Variants in SLC71A2 observed in about 807,000 individuals in gnomAD.
SLC71A2 encodes the protein solute carrier family 71 member 2.
the SLC71A2 span, among the ~76,000 whole-genome samples, chr9:94,412,155 A>T: frequency 2.0e-5 from 3 of 152,062 alleles, no homozygotes; most frequent in African/African-American, 7.2e-5. Context: ...ATTTAGCTTA[A>T]TTTTGCATGT....
the SLC71A2 span, among the ~76,000 whole-genome samples, chr9:94,424,918 T>TAAAA: frequency 0.15 from 22,086 of 147,936 alleles, 2,289 homozygotes; most frequent in Non-Finnish European, 0.21. Context: ...TTTTTTTTTT[T>TAAAA]AAATAATAAA....
the SLC71A2 span, among the ~76,000 whole-genome samples, chr9:94,437,816 G>GCA: frequency 6.9e-6 from 1 of 145,190 alleles, no homozygotes; most frequent in Non-Finnish European, 1.5e-5. Context: ...TCAAATGTGG[G>GCA]TATATATATA....
the SLC71A2 span, among the ~76,000 whole-genome samples, chr9:94,400,509 G>GAAA: frequency 2.3e-5 from 3 of 130,118 alleles, no homozygotes; most frequent in Non-Finnish European, 3.2e-5. Context: ...AGTCTTAAAG[G>GAAA]AAAAAAAAAA....
At chr9:94,452,823 A>G in the SLC71A2 span, among the ~76,000 whole-genome samples, 6 of 151,228 alleles carry the variant, frequency 4.0e-5, no homozygotes, top group South Asian at 2.1e-4. Flanking sequence ...TTGTAAATAC[A>G]GTACCAGAAA....
chr9:94,432,455 G>A, the SLC71A2 span, among the ~76,000 whole-genome samples: 2 of 152,076 alleles, frequency 1.3e-5, no homozygotes, highest in East Asian at 1.9e-4. Context: ...AGCCGAGATC[G>A]TGCCATTGCA....
chr9:94,435,552 A>G, the SLC71A2 span, among the ~76,000 whole-genome samples: 3 of 151,186 alleles, frequency 2.0e-5, no homozygotes, highest in African/African-American at 7.3e-5. Flanking sequence ...TCAGGCTACT[A>G]CCCCATTTCT....
the SLC71A2 span, among the ~76,000 whole-genome samples, chr9:94,408,304 T>G: frequency 1.3e-5 from 2 of 152,226 alleles, no homozygotes; most frequent in African/African-American, 2.4e-5. Flanking sequence ...TTATTGAGAC[T>G]TAACCCCTTT....
chr9:94,426,118 G>T, the SLC71A2 span, among the ~76,000 whole-genome samples: 21 of 148,208 alleles, frequency 1.4e-4, no homozygotes, highest in African/African-American at 5.2e-4. Flanking sequence ...GAGTACTGAA[G>T]TACTCTATAG....
chr9:94,382,327 C>T, the SLC71A2 span, among the ~76,000 whole-genome samples: 1 of 151,702 alleles, frequency 6.6e-6, no homozygotes, highest in South Asian at 2.1e-4. Flanking sequence ...TGCCCAACTT[C>T]CCTAAACTTA....
the SLC71A2 span, among the ~76,000 whole-genome samples, chr9:94,421,420 TTTAATA>T: frequency 2.0e-5 from 3 of 152,150 alleles, no homozygotes. Flanking sequence ...TGTTTGTGTG[TTTAATA>T]TTATATAAGT....
chr9:94,377,860 A>G, the SLC71A2 span, among the ~76,000 whole-genome samples: 1 of 152,140 alleles, frequency 6.6e-6, no homozygotes, highest in Non-Finnish European at 1.5e-5. Flanking sequence ...TAATCCCAGC[A>G]CTTTGGGAGG....
chr9:94,456,780 GAA>G, the SLC71A2 span, among the ~76,000 whole-genome samples: 911 of 152,252 alleles, frequency 6.0e-3, 7 homozygotes, highest in African/African-American at 0.02. Flanking sequence ...AGAGTAGTAA[GAA>G]AAAGTCTGTG....
At chr9:94,426,701 T>A in the SLC71A2 span, among the ~76,000 whole-genome samples, 1 of 152,242 alleles carries the variant, frequency 6.6e-6, no homozygotes, top group Non-Finnish European at 1.5e-5. Context: ...TTAAAAGTGA[T>A]AAGCAAGTGT....
the SLC71A2 span, chr9:94,460,249 T>C: frequency 1.3e-5 from 2 of 152,622 alleles, no homozygotes; most frequent in African/African-American, 4.8e-5. Flanking sequence ...CTAAGTAGGA[T>C]GAGAGTTAGT....
At chr9:94,454,414 C>T in the SLC71A2 span, among the ~76,000 whole-genome samples, 1 of 152,052 alleles carries the variant, frequency 6.6e-6, no homozygotes, top group Admixed American at 6.6e-5. Flanking sequence ...GTTGCCCAGG[C>T]TGGAGTACAG....
chr9:94,433,815 G>T, the SLC71A2 span, among the ~76,000 whole-genome samples: 1 of 152,040 alleles, frequency 6.6e-6, no homozygotes, highest in Non-Finnish European at 1.5e-5. Flanking sequence ...AACGAATTCA[G>T]AATGGAAAGT....
chr9:94,402,720 C>G, the SLC71A2 span, among the ~76,000 whole-genome samples: 1 of 152,190 alleles, frequency 6.6e-6, no homozygotes, highest in East Asian at 1.9e-4. Context: ...ACTATATCAA[C>G]TTTTTCTTGC....
the SLC71A2 span, among the ~76,000 whole-genome samples, chr9:94,421,560 T>G: frequency 2.0e-5 from 3 of 152,206 alleles, no homozygotes; most frequent in Admixed American, 1.3e-4. Context: ...TAACCACATA[T>G]GATTTTCTGT....
At chr9:94,413,363 G>A in the SLC71A2 span, among the ~76,000 whole-genome samples, 2 of 152,122 alleles carry the variant, frequency 1.3e-5, no homozygotes, top group African/African-American at 4.8e-5. Flanking sequence ...TGGGGAAGCT[G>A]GGTGAAGGAT....
Sources: allele counts gnomAD v4.1 joint callset (sites outside exome capture counted in the v4.1 genomes callset), GRCh38; gene constraint gnomAD v4.1.1; transcripts MANE v1.5; gene names NCBI Gene and HGNC (gene_info 2026-07-23, HGNC 2026-07-21).